Variants in USO1 observed in about 807,000 individuals in gnomAD.
USO1 encodes general vesicular transport factor p115.
A neutral mutation model predicts 124.5 loss-of-function variants in USO1; 57 were observed. That is an observed-to-expected ratio of 0.46 (90% confidence interval 0.37 to 0.57). The LOEUF (loss-of-function observed/expected upper bound fraction) is 0.57. Among genes scored for constraint, USO1 ranks in the 20% least tolerant of loss-of-function variants. The probability of loss-of-function intolerance (pLI) is 0.00; values close to 1 mark genes in which losing one functional copy is unlikely to be tolerated. For synonymous variants in USO1, 369 were observed against 362.8 expected, an observed-to-expected ratio of 1.02 and a Z score of -0.19; for missense variants, 900 against 1,040.6, an observed-to-expected ratio of 0.86 and a Z score of 1.86.
intron 1 of USO1, among the ~76,000 whole-genome samples, chr4:75,749,481 A>G (rs1359525722): frequency 3.9e-3 from 3 of 778 alleles, no homozygotes; most frequent in East Asian, 0.2. Context: ...GCTTGCTGCA[A>G]CCTCTTAACT....
At chr4:75,726,646 T>G (rs2149133920) in intron 1 of USO1, among the ~76,000 whole-genome samples, 1 of 152,280 alleles carries the variant, frequency 6.6e-6, no homozygotes, top group East Asian at 1.9e-4. Flanking sequence ...TCTGTTTCTT[T>G]CATTTGAAAA....
At chr4:75,753,360 C>T (rs879161627) in intron 3 of USO1, among the ~76,000 whole-genome samples, 15,099 of 147,338 alleles carry the variant, frequency 0.1, 879 homozygotes, top group Middle Eastern at 0.18. Flanking sequence ...TGGTGAAACC[C>T]GGTCTCTACT....
At chr4:75,752,497 G>A (rs1721319197) in intron 2 of USO1, 38 bp downstream of exon 2, 1 of 398,204 alleles carries the variant, frequency 2.5e-6, no homozygotes, top group Non-Finnish European at 4.4e-6. Context: ...TTCTTAAGTT[G>A]GATATTAGTT....
chr4:75,801,199 A>G lies in USO1; in HGVS notation c.1985A>G (p.Gln662Arg), dbSNP rs1265590611. 3 of 1,606,292 alleles carry G rather than the reference A, an allele frequency of 1.9e-6. No homozygotes were observed. Among genetic ancestry groups the G allele is most frequent in the Admixed American group, 1.7e-5 (1 of 58,620 alleles). The change falls in exon 17 of 24, where the codon CAG becomes CGG. Residue 662 changes from glutamine (Q) to arginine (R), a missense_variant and splice_region_variant. Physicochemically the swap from Gln to Arg is conservative, Grantham distance 43. Coordinates refer to ENST00000514213, the MANE Select transcript of USO1 (RefSeq NM_003715.4). ...CACTACAAAAATATGATTCGAGAGCAGGTAAGTACTAATGAACTGTATATA... is the reference window on the plus strand; with the variant it reads ...CACTACAAAAATATGATTCGAGAGCGGGTAAGTACTAATGAACTGTATATA... ...VTHYKNMIRE[Q>R]DLQLEELRQQ...
intron 1 of USO1, among the ~76,000 whole-genome samples, chr4:75,733,935 A>AT (rs869308522): frequency 0.01 from 789 of 77,084 alleles, 36 homozygotes; most frequent in Non-Finnish European, 0.011. Context: ...TTCTTCGAGG[A>AT]TTTTTTTTTT....
At chr4:75,787,033 A>G (rs999941842) in intron 9 of USO1, 29 bp from the exon 10 acceptor site, 1 of 1,554,310 alleles carries the variant, frequency 6.4e-7, no homozygotes, top group Non-Finnish European at 8.6e-7. Context: ...TCTTTAAAAG[A>G]CAAATTTTGT....
chr4:75,739,719 G>C (rs1019214389), intron 1 of USO1, among the ~76,000 whole-genome samples: 1 of 151,480 alleles, frequency 6.6e-6, no homozygotes, highest in Non-Finnish European at 1.5e-5. Flanking sequence ...GCTAGTTTTT[G>C]TATTTTTAGT....
chr4:75,739,001 C>CA (rs1720878384), intron 1 of USO1, among the ~76,000 whole-genome samples: 6 of 151,472 alleles, frequency 4.0e-5, no homozygotes, highest in African/African-American at 1.5e-4. Context: ...TACAGGTGCC[C>CA]GCCACCATGC....
In USO1 at chr4:75,754,103, A is replaced by G. The variant is rs867428321; in HGVS notation, c.218+1499A>G. On this transcript the variant is annotated intron_variant, in intron 3 of 23. Coordinates refer to ENST00000514213, the MANE Select transcript of USO1 (RefSeq NM_003715.4). ...CGCCCAGCCTTTTTTTTTTTTTCAG[A>G]TAGAGTTTCGCTCTCATTGCCCAGG... 2.9e-4 allele frequency among the ~76,000 whole-genome samples: 38 copies of G among 129,448 alleles called. 1 individual carries two copies. The highest frequency in any genetic ancestry group is 9.1e-4 in the African/African-American group (31 of 33,938). 84.9% of individuals were successfully genotyped at this position (129,448 alleles called of 152,430 possible).
At chr4:75,763,205 T>G (rs1721671283) in intron 4 of USO1, among the ~76,000 whole-genome samples, 1 of 152,192 alleles carries the variant, frequency 6.6e-6, no homozygotes, top group Admixed American at 6.5e-5. Context: ...CATGCGTACT[T>G]AAATGCCAGC....
At position 75,800,638 on chromosome 4, in the gene USO1, T is replaced by A. The variant is rs763262039; in HGVS notation, c.1703T>A (p.Ile568Asn). ...SYMKEKLKQL[I>N]EKRIGKENFI... Reference sequence around the variant, plus strand: ...CGTAGAGAGAAGCTAAAACAACTGATTGAGAAGAGGATTGGCAAAGAGAAT... The same window carrying A: ...CGTAGAGAGAAGCTAAAACAACTGAATGAGAAGAGGATTGGCAAAGAGAAT... The change falls in exon 16 of 24, where the codon ATT becomes AAT. Residue 568 changes from isoleucine to asparagine, a missense_variant. This residue lies in a region of USO1 where 538 missense variants were observed against 681.6 expected (regional missense o/e 0.79). Coordinates refer to ENST00000514213, the MANE Select transcript of USO1 (RefSeq NM_003715.4). 6.4e-7 allele frequency: 1 copy of A among 1,570,938 alleles called. No individual in the cohort carries two copies. Among genetic ancestry groups the A allele is most frequent in the South Asian group, 1.2e-5 (1 of 82,520 alleles).
At chr4:75,808,298 A>G (rs1723050103) in intron 20 of USO1, among the ~76,000 whole-genome samples, 1 of 152,192 alleles carries the variant, frequency 6.6e-6, no homozygotes, top group Non-Finnish European at 1.5e-5. Flanking sequence ...GGTGGTCCCT[A>G]GTCTAAAGAT....
chr4:75,811,405 A>G (rs935209082), intron 22 of USO1, among the ~76,000 whole-genome samples: 42 of 152,072 alleles, frequency 2.8e-4, no homozygotes, highest in African/African-American at 9.2e-4. Flanking sequence ...ATCTGCCCGC[A>G]TTGGCCCCCC....
intron 4 of USO1, among the ~76,000 whole-genome samples, chr4:75,761,350 T>C (rs769603531): frequency 2.0e-4 from 30 of 152,166 alleles, no homozygotes; most frequent in Non-Finnish European, 3.1e-4. Flanking sequence ...AGTTCGAGGC[T>C]GCAGTGAGCA....
At position 75,780,640 on chromosome 4, in the gene USO1, C is replaced by CTTTTTTTTTT. The variant is rs71210204; in HGVS notation, c.677-2024_677-2015dup. On this transcript the variant is annotated intron_variant, in intron 8 of 23. Transcript: ENST00000514213. ...CCCATGGATCAAGGATAAATTTTGACTTTTTTTTTTTTTTTTTTTTTTTTT... is the reference window on the plus strand; with the variant it reads ...CCCATGGATCAAGGATAAATTTTGACTTTTTTTTTTTTTTTTTTTTTTTTTTTTTTTTTTT... 4.1e-4 allele frequency among the ~76,000 whole-genome samples: 24 copies of CTTTTTTTTTT among 59,156 alleles called. 2 individuals carry two copies. Among genetic ancestry groups the CTTTTTTTTTT allele is most frequent in the East Asian group, 1.3e-3 (2 of 1,570 alleles). The allele number at this position is 59,156 out of a possible 152,430, so 38.8% of individuals were successfully genotyped here.
rs114926528 is a variant in USO1, at chr4:75,775,499, G to A, written c.676+703G>A. On this transcript the variant is annotated intron_variant, in intron 8 of 23. Coordinates refer to ENST00000514213, the MANE Select transcript of USO1 (RefSeq NM_003715.4). Reference sequence around the variant, plus strand: ...GATTGCAATGAGCTGAGATCGCACCGCTGTACTCCAGCCTGGGTAACAGAA... The same window carrying A: ...GATTGCAATGAGCTGAGATCGCACCACTGTACTCCAGCCTGGGTAACAGAA... Among the ~76,000 whole-genome samples, 907 of 152,128 alleles carry A rather than the reference G, an allele frequency of 6.0e-3. 15 individuals carry two copies. The highest frequency in any genetic ancestry group is 0.021 in the African/African-American group (854 of 41,494).
At chr4:75,745,019 C>A in intron 1 of USO1, 1 of 405,354 alleles carries the variant, frequency 2.5e-6, no homozygotes, top group African/African-American at 2.1e-5. Context: ...TATTCCCTTA[C>A]CTTCTCCCTT....
chr4:75,770,533 A>T lies in USO1; in HGVS notation c.390A>T (p.Leu130Phe), dbSNP rs376896921. The T allele has an allele frequency of 1.9e-6, 3 of 1,576,038 alleles. No individual in the cohort carries two copies. The highest frequency in any genetic ancestry group is 2.6e-6 in the Non-Finnish European group (3 of 1,161,346). The change falls in exon 5 of 24, where the codon TTA becomes TTT. Residue 130 changes from leucine (L) to phenylalanine (F), a missense_variant. This residue lies in a region of USO1 where 538 missense variants were observed against 681.6 expected (regional missense o/e 0.79). Coordinates refer to ENST00000514213, the MANE Select transcript of USO1 (RefSeq NM_003715.4). ...AAAATGTCACTCTTCTGTTATCTTT[A>T]TTGGAGGTAAATAGGGAACCTTGAT... is the stretch of plus-strand genomic sequence containing the variant. ...QQENVTLLLS[L>F]LEEFDFHVRW...
At chr4:75,745,887 G>A (rs1042739022) in intron 1 of USO1, among the ~76,000 whole-genome samples, 4 of 151,880 alleles carry the variant, frequency 2.6e-5, no homozygotes, top group African/African-American at 9.7e-5. Context: ...GCGACAGAGT[G>A]AGACTCCGTG....
Sources: gnomAD v4.1 joint callset for allele counts (sites outside exome capture counted in the v4.1 genomes callset) on GRCh38, gnomAD v4.1.1 for gene constraint, gnomAD v4.1.1 regional missense constraint, MANE v1.5 for transcripts, NCBI Gene and HGNC (gene_info 2026-07-23, HGNC 2026-07-21) for gene names.